MYO1E: variants seen among roughly 807,000 people sequenced by gnomAD.
The protein encoded by MYO1E is unconventional myosin-Ie.
Under a neutral mutation model 151.1 loss-of-function variants are expected in MYO1E, and 68 were observed. That is an observed-to-expected ratio of 0.45 (90% CI 0.37 to 0.55). The LOEUF (loss-of-function observed/expected upper bound fraction) is 0.55, where lower values mean the gene tolerates loss of function less well. MYO1E is among the 20% of genes least tolerant of loss of function. The pLI, the probability that MYO1E is intolerant of heterozygous loss-of-function variation, is 0.00. For synonymous variants in MYO1E, 601 were observed against 501.7 expected (o/e 1.20, Z -2.64); for missense variants, 1,363 against 1,389.3 (o/e 0.98, Z 0.30).
chr15:59,270,284 G>C lies in MYO1E; in HGVS notation c.147+2022C>G, dbSNP rs558485884. Among the ~76,000 whole-genome samples, 4 of 152,212 alleles carry C rather than the reference G, an allele frequency of 2.6e-5. 1 individual carries two copies. The Middle Eastern group carries it at 0.014, about 521-fold the overall frequency. The stretch of plus-strand genomic sequence containing the variant: ...AAACATCACATTGCCAGGCGCAGTG[G>C]CTCATACGTGTAGTCCTAGCACTTT... On this transcript the variant is annotated intron_variant, in intron 2 of 27. Transcript: ENST00000288235.
chr15:59,137,709 T>C (rs1201185976), intron 27 of MYO1E, among the ~76,000 whole-genome samples: 1 of 152,220 alleles, frequency 6.6e-6, no homozygotes, highest in Non-Finnish European at 1.5e-5. Flanking sequence ...TCCACTTTCA[T>C]TATGAAGAAG....
At chr15:59,251,714 G>C (rs766134515) in intron 4 of MYO1E, among the ~76,000 whole-genome samples, 1 of 152,128 alleles carries the variant, frequency 6.6e-6, no homozygotes, top group Non-Finnish European at 1.5e-5. Flanking sequence ...CTCATGTTTT[G>C]CAGTACTGAC....
intron 15 of MYO1E, among the ~76,000 whole-genome samples, chr15:59,204,113 C>T (rs2079818403): frequency 6.6e-6 from 1 of 152,208 alleles, no homozygotes; most frequent in South Asian, 2.1e-4. Context: ...CAAGTCTGCA[C>T]CTGACTGCCA....
chr15:59,310,540 G>C (rs1390318882), intron 1 of MYO1E, among the ~76,000 whole-genome samples: 3 of 152,148 alleles, frequency 2.0e-5, no homozygotes, highest in Non-Finnish European at 2.9e-5. Context: ...GCCAAGGCTG[G>C]CCAGCAACAC....
rs899160567 is a variant in MYO1E at position 59,367,590 on chromosome 15, T to C, written c.3+4908A>G. ...GCTTAGAGAATGCATAGGCTGAAAA[T>C]ACCAGGCTATTCCCTCTCTTTAGGG... On this transcript the variant is annotated intron_variant, in intron 1 of 27. Coordinates refer to ENST00000288235, the MANE Select transcript of MYO1E (RefSeq NM_004998.4). Among the ~76,000 whole-genome samples the C allele has an allele frequency of 4.6e-5, 7 of 152,206 alleles. No homozygotes were observed. In the East Asian group the frequency reaches 1.2e-3, roughly 25 times the overall value.
intron 13 of MYO1E, among the ~76,000 whole-genome samples, chr15:59,210,166 C>G (rs991520781): frequency 6.6e-6 from 1 of 152,040 alleles, no homozygotes; most frequent in African/African-American, 2.4e-5. Flanking sequence ...CCATGACCAG[C>G]CTGAATCAGT....
chr15:59,294,900 G>A (rs776394551), intron 1 of MYO1E, among the ~76,000 whole-genome samples: 1 of 152,138 alleles, frequency 6.6e-6, no homozygotes, highest in African/African-American at 2.4e-5. Context: ...TATCCTGCAT[G>A]TTCAATCTAG....
chr15:59,242,622 G>C (rs1055263239), intron 4 of MYO1E, among the ~76,000 whole-genome samples: 2 of 152,220 alleles, frequency 1.3e-5, no homozygotes, highest in Non-Finnish European at 2.9e-5. Flanking sequence ...TCATACAGGT[G>C]TCCAGGAGTC....
At chr15:59,140,298 T>A (rs1030899152) in intron 26 of MYO1E, among the ~76,000 whole-genome samples, 12 of 152,236 alleles carry the variant, frequency 7.9e-5, no homozygotes, top group African/African-American at 2.9e-4. Flanking sequence ...TTCAAAGGTG[T>A]GTAAGTTCAA....
chr15:59,291,109 A>G (rs2080416036), intron 1 of MYO1E, among the ~76,000 whole-genome samples: 1 of 152,254 alleles, frequency 6.6e-6, no homozygotes, highest in Non-Finnish European at 1.5e-5. Context: ...GACCACAAGC[A>G]TATCTGCAAA....
At chr15:59,188,978 A>T (rs2079716325) in intron 17 of MYO1E, among the ~76,000 whole-genome samples, 1 of 152,256 alleles carries the variant, frequency 6.6e-6, no homozygotes, top group African/African-American at 2.4e-5. Flanking sequence ...ACAAAAGGGC[A>T]TTTAAAACTA....
chr15:59,274,523 A>G (rs559271720), intron 1 of MYO1E, among the ~76,000 whole-genome samples: 3 of 152,232 alleles, frequency 2.0e-5, no homozygotes, highest in Admixed American at 1.3e-4. Context: ...CAACCTGCAG[A>G]TTGGTTGGTT....
intron 4 of MYO1E, among the ~76,000 whole-genome samples, chr15:59,255,089 A>T (rs750288294): frequency 2.6e-5 from 4 of 151,514 alleles, no homozygotes; most frequent in Non-Finnish European, 5.9e-5. Context: ...GCCTCCACTA[A>T]GGTATAAGCC....
At chr15:59,314,466 T>C (rs928413592) in intron 1 of MYO1E, among the ~76,000 whole-genome samples, 3 of 152,092 alleles carry the variant, frequency 2.0e-5, no homozygotes, top group Non-Finnish European at 4.4e-5. Context: ...CTGCAGGAGG[T>C]AGCAGCCATG....
chr15:59,236,439 A>ATTCCT (rs1384426350), intron 5 of MYO1E, 146 bp downstream of exon 5: 7 of 653,618 alleles, frequency 1.1e-5, no homozygotes, highest in Non-Finnish European at 1.7e-5. Context: ...TACATATGCT[A>ATTCCT]TTCCTTTCCA....
At chr15:59,372,374 C>T in intron 1 of MYO1E, 124 bp downstream of exon 1, 1 of 1,214,890 alleles carries the variant, frequency 8.2e-7, no homozygotes, top group Non-Finnish European at 1.2e-6. Flanking sequence ...CGCGACGTGC[C>T]GGCTCCCGCG....
chr15:59,209,086 T>C (rs896948003), intron 13 of MYO1E: 13 of 582,608 alleles, frequency 2.2e-5, no homozygotes, highest in Non-Finnish European at 3.7e-5. Flanking sequence ...TGAAGTTTTA[T>C]CCAAGAGTCA....
chr15:59,214,493 C>T, intron 11 of MYO1E, 147 bp downstream of exon 11: 1 of 1,001,490 alleles, frequency 1.0e-6, no homozygotes, highest in South Asian at 1.3e-5. Context: ...GAAGAACTCA[C>T]AAAGGCAAAA....
chr15:59,279,395 T>C (rs2080340216), intron 1 of MYO1E, among the ~76,000 whole-genome samples: 1 of 152,148 alleles, frequency 6.6e-6, no homozygotes, highest in Admixed American at 6.5e-5. Context: ...TTGTTAATGA[T>C]AAAGCTGGAG....
Sources: allele counts gnomAD v4.1 joint callset (sites outside exome capture counted in the v4.1 genomes callset), GRCh38; gene constraint gnomAD v4.1.1; transcripts MANE v1.5; gene names NCBI Gene and HGNC (gene_info 2026-07-23, HGNC 2026-07-21).